Variants in VPS13D observed in about 807,000 individuals in gnomAD.
VPS13D encodes vacuolar protein sorting 13 homolog D.
In VPS13D, 187 loss-of-function variants were observed where a neutral mutation model predicts 461.9. The observed-to-expected ratio is 0.40, with a 90% CI of 0.36 to 0.46. The LOEUF (loss-of-function observed/expected upper bound fraction) is 0.46. VPS13D is among the 20% of genes least tolerant of loss of function. The pLI, the probability that VPS13D is intolerant of heterozygous loss-of-function variation, is 0.60. For missense variants in VPS13D, 4,711 were observed against 5,364.9 expected (o/e 0.88, Z 3.81); for synonymous variants, 1,951 against 1,986.3 (o/e 0.98, Z 0.47).
At chr1:12,246,156 A>T (rs1397676208) in intron 5 of VPS13D, among the ~76,000 whole-genome samples, 1 of 152,166 alleles carries the variant, frequency 6.6e-6, no homozygotes, top group African/African-American at 2.4e-5. Flanking sequence ...GTGAAAAATT[A>T]CAAGGCGTTG....
rs190588576 is a variant in VPS13D, at chr1:12,470,534, A to G, written c.12662+10138A>G. Among the ~76,000 whole-genome samples, 252 of 152,318 alleles carry G rather than the reference A, an allele frequency of 1.7e-3. 4 individuals carry two copies. The highest frequency in any genetic ancestry group is 5.9e-3 in the African/African-American group (244 of 41,582). The stretch of plus-strand genomic sequence containing the variant: ...TTCTGACCTTGGGATATTCAGATCC[A>G]TCACTTAGTATGTACAGGCAAATTG... On this transcript the variant is annotated intron_variant, in intron 67 of 69. Transcript: ENST00000620676.
At chr1:12,316,765 G>A (rs933963274) in intron 30 of VPS13D, among the ~76,000 whole-genome samples, 7 of 152,088 alleles carry the variant, frequency 4.6e-5, no homozygotes, top group African/African-American at 1.4e-4. Context: ...CCCCAGAGTC[G>A]CTTTTGGGCT....
chr1:12,322,838 C>A, intron 34 of VPS13D, 92 bp downstream of exon 34: 1 of 1,088,156 alleles, frequency 9.2e-7, no homozygotes, highest in Non-Finnish European at 1.3e-6. Context: ...CTAAATTGTA[C>A]ACAGTTTAAT....
chr1:12,271,909 A>C (rs1327851322), intron 17 of VPS13D, among the ~76,000 whole-genome samples: 1 of 152,056 alleles, frequency 6.6e-6, no homozygotes, highest in Non-Finnish European at 1.5e-5. Context: ...TCCAGTAGGT[A>C]GGCTGGGCAA....
intron 67 of VPS13D, among the ~76,000 whole-genome samples, chr1:12,489,226 G>A (rs535989276): frequency 1.4e-4 from 22 of 152,282 alleles, no homozygotes; most frequent in African/African-American, 5.3e-4. Context: ...CCCAATAGGT[G>A]TATCTGTTGG....
At chr1:12,479,634 C>T (rs1205063308) in intron 67 of VPS13D, among the ~76,000 whole-genome samples, 1 of 152,192 alleles carries the variant, frequency 6.6e-6, no homozygotes, top group Non-Finnish European at 1.5e-5. Flanking sequence ...AGAATGTGGA[C>T]CCTGGCCAAC....
In VPS13D at chr1:12,327,816, T is replaced by G; in HGVS notation, c.8159T>G (p.Met2720Arg). The G allele has an allele frequency of 2.5e-6, 4 of 1,614,148 alleles. No homozygotes were observed. The highest frequency in any genetic ancestry group is 3.4e-6 in the Non-Finnish European group (4 of 1,180,014). The change falls in exon 36 of 70, where the codon ATG (methionine) becomes AGG (arginine). Residue 2720 changes from methionine to arginine, a missense_variant. Met to Arg is a moderately conservative substitution (Grantham distance 91). Around this residue, in one of 3 missense-constraint regions of VPS13D, gnomAD observed 4,411 missense variants for 4,937.8 expected, o/e 0.89. Transcript: ENST00000620676. ...SVCICFIDDC[M>R]DCDVPLAELT... ...TGCATCTGTTTCATCGATGACTGCA[T>G]GGATTGTGATGTTCCTCTCGCTGAA...
intron 13 of VPS13D, 55 bp from the exon 14 acceptor site, chr1:12,266,826 A>G: frequency 3.6e-6 from 5 of 1,380,580 alleles, no homozygotes; most frequent in Non-Finnish European, 4.8e-6. Flanking sequence ...ATATTTTCAA[A>G]AACACATTAG....
intron 53 of VPS13D, 50 bp downstream of exon 53, chr1:12,368,641 T>A: frequency 1.3e-6 from 2 of 1,590,758 alleles, no homozygotes; most frequent in Non-Finnish European, 1.7e-6. Flanking sequence ...TGTGGGAGGG[T>A]GGAGTGTGTA....
At chr1:12,242,817 C>A (rs1640422132) in intron 3 of VPS13D, among the ~76,000 whole-genome samples, 1 of 152,206 alleles carries the variant, frequency 6.6e-6, no homozygotes, top group South Asian at 2.1e-4. Context: ...GAATCAGAAT[C>A]TCTGAGGGAA....
chr1:12,402,516 GTACATACA>G (rs1171722755), intron 62 of VPS13D: 1 of 152,210 alleles, frequency 6.6e-6, no homozygotes, highest in East Asian at 1.9e-4. Context: ...GTGTACACAT[GTACATACA>G]TACACACAAT....
intron 55 of VPS13D, among the ~76,000 whole-genome samples, chr1:12,377,261 T>C (rs1369151913): frequency 2.0e-5 from 3 of 151,094 alleles, no homozygotes; most frequent in East Asian, 4.0e-4. Flanking sequence ...GGTTTCACCA[T>C]GTTGGCCAGG....
At chr1:12,321,221 A>G (rs1026536194) in intron 32 of VPS13D, among the ~76,000 whole-genome samples, 2 of 152,208 alleles carry the variant, frequency 1.3e-5, no homozygotes, top group African/African-American at 4.8e-5. Flanking sequence ...AACTCCATAT[A>G]TACCTATCAC....
chr1:12,412,234 A>G (rs1447269028), intron 63 of VPS13D, among the ~76,000 whole-genome samples: 2 of 152,258 alleles, frequency 1.3e-5, no homozygotes, highest in South Asian at 2.1e-4. Flanking sequence ...TTGCTCCTCA[A>G]ATTGATCTGT....
At chr1:12,496,798 C>G (rs913860871) in intron 67 of VPS13D, among the ~76,000 whole-genome samples, 9 of 152,248 alleles carry the variant, frequency 5.9e-5, no homozygotes, top group African/African-American at 1.4e-4. Flanking sequence ...TCCTCCGGGC[C>G]GCCGACAGCT....
chr1:12,352,348 A>G (rs1026113763), intron 46 of VPS13D, among the ~76,000 whole-genome samples: 2 of 152,168 alleles, frequency 1.3e-5, no homozygotes, highest in African/African-American at 4.8e-5. Context: ...TATATCTGAG[A>G]AAGGATTTTT....
In VPS13D at chr1:12,392,936, T is replaced by C. The variant is rs546625294; in HGVS notation, c.11634+6602T>C. Among the ~76,000 whole-genome samples, 288 of 152,328 alleles carry C rather than the reference T, an allele frequency of 1.9e-3. 1 individual carries two copies. Among genetic ancestry groups the C allele is most frequent in the African/African-American group, 6.4e-3 (268 of 41,570 alleles). On this transcript the variant is annotated intron_variant, in intron 60 of 69. Coordinates refer to ENST00000620676, the MANE Select transcript of VPS13D (RefSeq NM_015378.4). ...GCAGCCTTTCGGGTCACTTAATAAATGGGCCGGAGTAATACACCCAAATGA... is the reference window on the plus strand; with the variant it reads ...GCAGCCTTTCGGGTCACTTAATAAACGGGCCGGAGTAATACACCCAAATGA...
intron 67 of VPS13D, among the ~76,000 whole-genome samples, chr1:12,475,272 G>A (rs1645615413): frequency 1.3e-5 from 2 of 152,172 alleles, no homozygotes; most frequent in South Asian, 4.1e-4. Flanking sequence ...TGTGCAGACA[G>A]CTTTATATCC....
intron 67 of VPS13D, among the ~76,000 whole-genome samples, chr1:12,466,113 G>T (rs1027586012): frequency 6.7e-6 from 1 of 149,922 alleles, no homozygotes; most frequent in African/African-American, 2.5e-5. Flanking sequence ...CCAGCCTGGC[G>T]ACAGAGCGAG....
Sources: allele counts gnomAD v4.1 joint callset (sites outside exome capture counted in the v4.1 genomes callset), GRCh38; gene constraint gnomAD v4.1.1; regional missense constraint gnomAD v4.1.1; transcripts MANE v1.5; gene names NCBI Gene and HGNC (gene_info 2026-07-23, HGNC 2026-07-21).